Variants in NUMB observed in about 807,000 individuals in gnomAD.
NUMB encodes the protein NUMB endocytic adaptor protein.
In NUMB, 29 loss-of-function variants were observed where a neutral mutation model predicts 59.7. That is an observed-to-expected ratio of 0.49 (90% CI 0.36 to 0.66). NUMB has a LOEUF of 0.66. Among genes scored for constraint, NUMB ranks in the 30% least tolerant of loss-of-function variants. The pLI, the probability that NUMB is intolerant of heterozygous loss-of-function variation, is 0.00. For synonymous variants in NUMB, 288 were observed against 288.2 expected (o/e 1.00, Z 0.01); for missense variants, 723 against 822.0 (o/e 0.88, Z 1.47).
At chr14:73,398,378 G>A (rs1896236655) in intron 2 of NUMB, among the ~76,000 whole-genome samples, 1 of 125,062 alleles carries the variant, frequency 8.0e-6, no homozygotes, top group African/African-American at 3.2e-5. Context: ...TTGTATATGA[G>A]AGAGAGACAC....
chr14:73,384,597 T>C (rs1239658304), intron 2 of NUMB, among the ~76,000 whole-genome samples: 1 of 152,208 alleles, frequency 6.6e-6, no homozygotes, highest in African/African-American at 2.4e-5. Flanking sequence ...AGACAGGGTC[T>C]GGCTCTCTCG....
At chr14:73,401,135 C>T (rs1425081204) in intron 2 of NUMB, among the ~76,000 whole-genome samples, 1 of 152,128 alleles carries the variant, frequency 6.6e-6, no homozygotes, top group Non-Finnish European at 1.5e-5. Flanking sequence ...GTAGGATACC[C>T]AGCTGGTGTC....
chr14:73,295,983 G>A (rs1889746363), intron 7 of NUMB, among the ~76,000 whole-genome samples: 3 of 152,094 alleles, frequency 2.0e-5, no homozygotes. Flanking sequence ...CAAAAGCCAG[G>A]TTAATTAGTT....
intron 11 of NUMB, chr14:73,281,467 G>C (rs973163006): frequency 6.6e-6 from 1 of 152,154 alleles, no homozygotes; most frequent in African/African-American, 2.4e-5. Flanking sequence ...AAAGACCCTT[G>C]GAGAAAAAGT....
chr14:73,350,173 C>CTTTTT (rs552677993), intron 4 of NUMB, among the ~76,000 whole-genome samples: 9 of 121,736 alleles, frequency 7.4e-5, no homozygotes, highest in South Asian at 2.6e-4. Context: ...AACTAGGTGT[C>CTTTTT]TTTTTTTTTT....
chr14:73,318,049 T>C (rs1258694421), intron 5 of NUMB, among the ~76,000 whole-genome samples: 1 of 152,144 alleles, frequency 6.6e-6, no homozygotes, highest in African/African-American at 2.4e-5. Context: ...GGAAAAATAA[T>C]AAAGTAATTG....
chr14:73,334,982 T>TC (rs1358971182), intron 4 of NUMB, among the ~76,000 whole-genome samples: 1 of 149,654 alleles, frequency 6.7e-6, no homozygotes, highest in African/African-American at 2.4e-5. Flanking sequence ...TAGCATATAC[T>TC]CCAAGTATTC....
At chr14:73,431,648 C>T (rs1198169227) in intron 1 of NUMB, among the ~76,000 whole-genome samples, 3 of 151,776 alleles carry the variant, frequency 2.0e-5, no homozygotes, top group African/African-American at 7.3e-5. Flanking sequence ...ACTCGGGAGG[C>T]TGAGGCAGGA....
chr14:73,371,683 TAAG>T (rs2140056578), intron 2 of NUMB, among the ~76,000 whole-genome samples: 1 of 152,218 alleles, frequency 6.6e-6, no homozygotes, highest in East Asian at 1.9e-4. Context: ...GTGGAGCACT[TAAG>T]GAGTGATTAG....
At chr14:73,414,215 C>A (rs889727836) in intron 1 of NUMB, among the ~76,000 whole-genome samples, 2 of 152,082 alleles carry the variant, frequency 1.3e-5, no homozygotes, top group Non-Finnish European at 2.9e-5. Context: ...CTCAGCCTCC[C>A]GAAGTGCTGG....
intron 2 of NUMB, among the ~76,000 whole-genome samples, chr14:73,398,608 G>A (rs1896264328): frequency 6.6e-6 from 1 of 151,498 alleles, no homozygotes; most frequent in South Asian, 2.1e-4. Context: ...TCACCAAGCA[G>A]GGGAAACCCA....
At chr14:73,386,661 A>G (rs1201339127) in intron 2 of NUMB, among the ~76,000 whole-genome samples, 2 of 152,166 alleles carry the variant, frequency 1.3e-5, no homozygotes, top group African/African-American at 4.8e-5. Context: ...TTCTGACAGA[A>G]AAACAAAACG....
chr14:73,299,554 C>CAT (rs58271649), intron 6 of NUMB, among the ~76,000 whole-genome samples: 35,288 of 129,262 alleles, frequency 0.27, 4,610 homozygotes, highest in African/African-American at 0.35. Context: ...ATATATGTAT[C>CAT]ATATATGTCA....
chr14:73,297,538 C>A, intron 6 of NUMB: 1 of 307,622 alleles, frequency 3.3e-6, no homozygotes, highest in Non-Finnish European at 5.9e-6. Context: ...AGGGAAGTAA[C>A]AGATGGAATA....
chr14:73,418,962 G>T (rs74061115), intron 1 of NUMB, among the ~76,000 whole-genome samples: 8,826 of 152,022 alleles, frequency 0.058, 701 homozygotes, highest in African/African-American at 0.19. Flanking sequence ...GGACCAAAGA[G>T]TCACCCTTAT....
Position 73,323,124 on chromosome 14 carries a change from A to AC in NUMB, c.201+5dup. 1 of 1,606,922 alleles carries AC rather than the reference A, an allele frequency of 6.2e-7. No homozygotes were observed. Among genetic ancestry groups the AC allele is most frequent in the Non-Finnish European group, 8.5e-7 (1 of 1,173,850 alleles). On this transcript the variant is annotated splice_donor_region_variant and intron_variant, in intron 5 of 12. Transcript: ENST00000555238. ...AGATCAACACTGGCAACCATCAAATACATACAGCTTTCAATCTTTTTACAG... is the reference window on the plus strand; with the variant it reads ...AGATCAACACTGGCAACCATCAAATACCATACAGCTTTCAATCTTTTTACAG...
At chr14:73,300,142 A>G (rs576023604) in intron 6 of NUMB, among the ~76,000 whole-genome samples, 10 of 152,184 alleles carry the variant, frequency 6.6e-5, no homozygotes, top group Non-Finnish European at 1.5e-4. Context: ...CATCCTCTTC[A>G]CGTGCTGAAT....
At chr14:73,376,513 T>C (rs1894953412) in intron 2 of NUMB, among the ~76,000 whole-genome samples, 1 of 148,150 alleles carries the variant, frequency 6.7e-6, no homozygotes, top group African/African-American at 2.6e-5. Context: ...GACAAACTCA[T>C]TCTAAAGTTT....
At chr14:73,367,011 A>T (rs1894373346) in intron 2 of NUMB, 30 bp from the exon 3 acceptor site, 1 of 152,066 alleles carries the variant, frequency 6.6e-6, no homozygotes, top group African/African-American at 2.4e-5. Context: ...AACATCTCAC[A>T]AAATTGTTGT....
Sources: gnomAD v4.1 joint callset for allele counts (sites outside exome capture counted in the v4.1 genomes callset) on GRCh38, gnomAD v4.1.1 for gene constraint, MANE v1.5 for transcripts, NCBI Gene and HGNC (gene_info 2026-07-23, HGNC 2026-07-21) for gene names.